Variants in AGBL1 observed in about 807,000 individuals in gnomAD.
The protein encoded by AGBL1 is AGBL carboxypeptidase 1, also known as cytosolic carboxypeptidase 4.
AGBL1 carries 130 observed loss-of-function variants against 118.9 expected under a neutral mutation model. That is an observed-to-expected ratio of 1.09 (90% CI 0.95 to 1.26). The LOEUF (loss-of-function observed/expected upper bound fraction) is 1.26. Ranked by LOEUF, AGBL1 falls within the 50% of genes most tolerant of loss-of-function variation. The pLI is 0.00. For synonymous variants in AGBL1, 555 were observed against 478.9 expected (o/e 1.16, Z -2.08); for missense variants, 1,584 against 1,298.1 (o/e 1.22, Z -3.38).
chr15:86,128,881 C>A (rs534338884), intron 1 of AGBL1, among the ~76,000 whole-genome samples: 3 of 152,258 alleles, frequency 2.0e-5, no homozygotes, highest in South Asian at 2.1e-4. Flanking sequence ...AGAACAGAGA[C>A]CTTACTGACC....
chr15:86,089,590 C>T (rs1331875856), intron 1 of AGBL1, among the ~76,000 whole-genome samples: 1 of 152,162 alleles, frequency 6.6e-6, no homozygotes, highest in African/African-American at 2.4e-5. Context: ...TGGAGAAAAG[C>T]AGCTTTTCTA....
intron 18 of AGBL1, among the ~76,000 whole-genome samples, chr15:86,520,658 T>A (rs927770206): frequency 6.6e-6 from 1 of 152,150 alleles, no homozygotes; most frequent in Non-Finnish European, 1.5e-5. Flanking sequence ...GCATTTTCAT[T>A]TATACAAGCA....
chr15:86,262,862 G>T lies in AGBL1; in HGVS notation c.1054G>T (p.Val352Leu). 3 of 1,610,040 alleles carry T rather than the reference G, an allele frequency of 1.9e-6. No individual in the cohort carries two copies. Among genetic ancestry groups the T allele is most frequent in the Admixed American group, 1.7e-5 (1 of 59,622 alleles). ...RPEEELMQYE[V>L]MCLELSYSFE... ...TGAAGAGGAACTGATGCAATATGAGGTGATGTGTCTTGAGCTCTCCTATAG... is the reference window on the plus strand; with the variant it reads ...TGAAGAGGAACTGATGCAATATGAGTTGATGTGTCTTGAGCTCTCCTATAG... The change falls in exon 10 of 23, where the codon GTG (valine) becomes TTG (leucine). Residue 352 changes from valine (V) to leucine (L), a missense_variant. Coordinates refer to ENST00000614907, the MANE Select transcript of AGBL1 (RefSeq NM_001386094.1).
At chr15:86,838,919 C>T (rs111947675) in intron 22 of AGBL1, among the ~76,000 whole-genome samples, 2,216 of 115,270 alleles carry the variant, frequency 0.019, 31 homozygotes, top group South Asian at 0.077. Flanking sequence ...CACTCCACCC[C>T]GGGCAACAGA....
intron 22 of AGBL1, among the ~76,000 whole-genome samples, chr15:86,859,738 G>A (rs2079535428): frequency 6.6e-6 from 1 of 152,124 alleles, no homozygotes; most frequent in Admixed American, 6.5e-5. Context: ...CATGTGTGGT[G>A]GGGAGCACTC....
At chr15:86,517,013 G>A (rs1193294503) in intron 18 of AGBL1, among the ~76,000 whole-genome samples, 1 of 152,102 alleles carries the variant, frequency 6.6e-6, no homozygotes, top group Non-Finnish European at 1.5e-5. Context: ...AAATAACTTA[G>A]AAATGAAAAC....
At chr15:86,810,362 G>A (rs894035689) in intron 22 of AGBL1, among the ~76,000 whole-genome samples, 2 of 152,066 alleles carry the variant, frequency 1.3e-5, no homozygotes, top group African/African-American at 2.4e-5. Flanking sequence ...AGTCTATAGG[G>A]AGAATGACCC....
intron 1 of AGBL1, among the ~76,000 whole-genome samples, chr15:86,135,707 A>G (rs2076880254): frequency 1.3e-5 from 2 of 152,190 alleles, no homozygotes; most frequent in Non-Finnish European, 2.9e-5. Flanking sequence ...AGAGGAGCTC[A>G]CAGTCTAAAG....
intron 22 of AGBL1, among the ~76,000 whole-genome samples, chr15:86,777,557 C>A (rs1423981896): frequency 1.3e-5 from 2 of 151,976 alleles, no homozygotes; most frequent in Admixed American, 6.6e-5. Context: ...ATTCAATTTG[C>A]AGATTTATTT....
At chr15:86,723,300 A>G (rs1596406731) in intron 22 of AGBL1, among the ~76,000 whole-genome samples, 1 of 152,228 alleles carries the variant, frequency 6.6e-6, no homozygotes, top group Non-Finnish European at 1.5e-5. Flanking sequence ...TGTGGCACAT[A>G]TACACCATGG....
intron 22 of AGBL1, among the ~76,000 whole-genome samples, chr15:86,785,780 CAGGT>C (rs1252809718): frequency 1.3e-5 from 2 of 152,100 alleles, no homozygotes; most frequent in East Asian, 3.9e-4. Flanking sequence ...AGAAATAAAT[CAGGT>C]AATCGAACCC....
chr15:86,085,129 TG>T (rs1428864038), intron 1 of AGBL1, among the ~76,000 whole-genome samples: 1 of 152,192 alleles, frequency 6.6e-6, no homozygotes, highest in Admixed American at 6.5e-5. Flanking sequence ...AGTTTGCATG[TG>T]ATGAATGCCA....
intron 22 of AGBL1, among the ~76,000 whole-genome samples, chr15:86,833,129 TG>T (rs2141419401): frequency 6.6e-6 from 1 of 152,240 alleles, no homozygotes; most frequent in South Asian, 2.1e-4. Context: ...TGCTTCGCAT[TG>T]GGTTCCTCTC....
chr15:86,924,751 C>T (rs1451991963), intron 23 of AGBL1, among the ~76,000 whole-genome samples: 2 of 151,936 alleles, frequency 1.3e-5, no homozygotes, highest in Non-Finnish European at 2.9e-5. Context: ...CATTTTGCTA[C>T]TCTGTGTCTC....
intron 18 of AGBL1, among the ~76,000 whole-genome samples, chr15:86,510,257 T>G (rs976708178): frequency 2.6e-5 from 4 of 152,160 alleles, no homozygotes; most frequent in African/African-American, 9.7e-5. Context: ...AATCACCTTC[T>G]TTTCTACATC....
At chr15:86,540,456 G>C (rs547899491) in intron 19 of AGBL1, among the ~76,000 whole-genome samples, 5 of 152,082 alleles carry the variant, frequency 3.3e-5, no homozygotes, top group Non-Finnish European at 5.9e-5. Context: ...TTAGCTGAGC[G>C]TGGTGGCAGG....
At chr15:86,387,069 G>T (rs764285541) in intron 17 of AGBL1, among the ~76,000 whole-genome samples, 18 of 152,152 alleles carry the variant, frequency 1.2e-4, no homozygotes, top group South Asian at 2.1e-4. Flanking sequence ...CAGAAAGGGG[G>T]ATGGAAGAGA....
Position 86,914,032 on chromosome 15 carries a change from C to CTCCAA in AGBL1, c.*6738_*6739insTCCAA, listed in dbSNP as rs1429507264. The CTCCAA allele has an allele frequency of 6.6e-6, 1 of 152,108 alleles. No homozygotes were observed. Among genetic ancestry groups the CTCCAA allele is most frequent in the East Asian group, 1.9e-4 (1 of 5,192 alleles). 9.4% of individuals were successfully genotyped at this position (152,108 alleles called of 1,614,324 possible). A position where few individuals can be genotyped will look rare whatever the true frequency, so the allele number is the denominator to read the frequency against. ...CCTGGCAAAATAAGTAACACTTAAGCATAATTATTTGGAGCTATTCAGTTA... is the reference window on the plus strand; with the variant it reads ...CCTGGCAAAATAAGTAACACTTAAGCTCCAAATAATTATTTGGAGCTATTCAGTTA... On this transcript the variant is annotated 3_prime_UTR_variant, in exon 23 of 23. Transcript: ENST00000614907.
At chr15:86,969,338 G>A (rs146951920) in intron 23 of AGBL1, among the ~76,000 whole-genome samples, 7 of 151,704 alleles carry the variant, frequency 4.6e-5, no homozygotes, top group Non-Finnish European at 8.8e-5. Context: ...AAACAGACAC[G>A]TTTTCCTTCC....
Sources: gnomAD v4.1 joint callset for allele counts (sites outside exome capture counted in the v4.1 genomes callset) on GRCh38, gnomAD v4.1.1 for gene constraint, MANE v1.5 for transcripts, NCBI Gene and HGNC (gene_info 2026-07-23, HGNC 2026-07-21) for gene names.